Variants in CCR3 observed in about 807,000 individuals in gnomAD.
CCR3 encodes C-C chemokine receptor type 3.
For missense variants in CCR3, 419 were observed against 437.5 expected, an observed-to-expected ratio of 0.96 and a Z score of 0.38; for synonymous variants, 203 against 179.2, an observed-to-expected ratio of 1.13 and a Z score of -1.06.
chr3:46,223,659 G>C (rs1165975028), intron 2 of CCR3, among the ~76,000 whole-genome samples: 2 of 152,158 alleles, frequency 1.3e-5, no homozygotes, highest in Non-Finnish European at 2.9e-5. Flanking sequence ...GATAAGTACA[G>C]TTTGACCTCT....
At chr3:46,213,132 G>A (rs1391946657) in intron 2 of CCR3, among the ~76,000 whole-genome samples, 6 of 152,016 alleles carry the variant, frequency 3.9e-5, no homozygotes, top group South Asian at 2.1e-4. Context: ...GTTTCTATTC[G>A]TCTTTACAGC....
At chr3:46,211,850 T>C (rs1459669931) in intron 2 of CCR3, among the ~76,000 whole-genome samples, 1 of 152,172 alleles carries the variant, frequency 6.6e-6, no homozygotes, top group Non-Finnish European at 1.5e-5. Flanking sequence ...CACCTGGGAA[T>C]AAGCATGTAG....
chr3:46,264,364 C>CA (rs1700579265), intron 1 of CCR3: 2 of 1,385,210 alleles, frequency 1.4e-6, no homozygotes, highest in South Asian at 1.2e-5. Flanking sequence ...GTGTAACAGA[C>CA]AAAATGTGTA....
intron 1 of CCR3, among the ~76,000 whole-genome samples, chr3:46,243,661 A>C (rs904489559): frequency 6.6e-6 from 1 of 152,170 alleles, no homozygotes; most frequent in Non-Finnish European, 1.5e-5. Context: ...GTATAAGTTG[A>C]AGTATATTTT....
chr3:46,234,961 A>G (rs1488758523), intron 2 of CCR3, among the ~76,000 whole-genome samples: 1 of 152,184 alleles, frequency 6.6e-6, no homozygotes, highest in Non-Finnish European at 1.5e-5. Context: ...CCATTCCCAC[A>G]TCCCACTCCC....
chr3:46,261,775 G>A (rs1287478296), intron 1 of CCR3, among the ~76,000 whole-genome samples: 1 of 152,244 alleles, frequency 6.6e-6, no homozygotes, highest in Admixed American at 6.5e-5. Flanking sequence ...CATGGGCAGG[G>A]AGTCAAGGAG....
At position 46,221,223 on chromosome 3, in the gene CCR3, G is replaced by C. The variant is rs147387429; in HGVS notation, c.-68+10316G>C. Among the ~76,000 whole-genome samples, 328 of 146,004 alleles carry C rather than the reference G, an allele frequency of 2.2e-3. 2 individuals are homozygous for C. Among genetic ancestry groups the C allele is most frequent in the African/African-American group, 8.3e-3 (308 of 36,946 alleles). On this transcript the variant is annotated intron_variant, in intron 2 of 3. Transcript: ENST00000357422. ...CCTGTTTTGATTCTTCCTCCAGAAA[G>C]CTGGTTGTTAACATTTACCAGCACA...
At chr3:46,222,872 A>G (rs914925231) in intron 2 of CCR3, among the ~76,000 whole-genome samples, 3 of 152,228 alleles carry the variant, frequency 2.0e-5, no homozygotes, top group Non-Finnish European at 2.9e-5. Flanking sequence ...GTGGCTATTT[A>G]TTTCCTCATC....
intron 1 of CCR3, among the ~76,000 whole-genome samples, chr3:46,254,812 T>C (rs1700386687): frequency 6.6e-6 from 1 of 152,208 alleles, no homozygotes; most frequent in Non-Finnish European, 1.5e-5. Flanking sequence ...CAAATGCCAT[T>C]ATTTCATTCA....
intron 2 of CCR3, among the ~76,000 whole-genome samples, chr3:46,211,148 A>G (rs1015966181): frequency 6.6e-6 from 1 of 151,316 alleles, no homozygotes; most frequent in Non-Finnish European, 1.5e-5. Context: ...TTCTGGACTT[A>G]TCTCCAGAGA....
chr3:46,212,676 A>G (rs1015005861), intron 2 of CCR3, among the ~76,000 whole-genome samples: 2 of 151,952 alleles, frequency 1.3e-5, no homozygotes, highest in Non-Finnish European at 2.9e-5. Context: ...TTGACAAACC[A>G]AGGAGAAAGG....
intron 1 of CCR3, chr3:46,264,564 T>C (rs985395546): frequency 1.5e-6 from 1 of 676,588 alleles, no homozygotes; most frequent in African/African-American, 1.9e-5. Flanking sequence ...AAATTTTATA[T>C]TTACTTGTTA....
chr3:46,242,980 C>CATATATAT lies in CCR3; in HGVS notation c.-12+443_-12+444insTATATATA, dbSNP rs758465669. The stretch of plus-strand genomic sequence containing the variant: ...ATATATGTGTATATATATATATATA[C>CATATATAT]ACATATATATATATATATATATACG... On this transcript the variant is annotated intron_variant, in intron 1 of 1. Coordinates refer to ENST00000395940, the MANE Select transcript of CCR3 (RefSeq NM_178329.3). Among the ~76,000 whole-genome samples, 31 of 98,914 alleles carry CATATATAT rather than the reference C, an allele frequency of 3.1e-4. 1 individual carries two copies. The highest frequency in any genetic ancestry group is 5.8e-4 in the East Asian group (2 of 3,422). 64.9% of individuals were successfully genotyped at this position (98,914 alleles called of 152,430 possible).
chr3:46,241,135 TTCTC>T (rs201378621), upstream of CCR3, among the ~76,000 whole-genome samples: 13 of 147,760 alleles, frequency 8.8e-5, no homozygotes, highest in Non-Finnish European at 1.5e-4. Flanking sequence ...TCCCTATTCT[TTCTC>T]TCTCTCTCTA....
chr3:46,235,815 C>T (rs538598827), intron 2 of CCR3, among the ~76,000 whole-genome samples: 9 of 152,338 alleles, frequency 5.9e-5, no homozygotes, highest in African/African-American at 1.9e-4. Context: ...TTAACAGATG[C>T]TGTCTTGCTG....
chr3:46,215,563 C>T (rs73833005), intron 2 of CCR3, among the ~76,000 whole-genome samples: 14,602 of 152,200 alleles, frequency 0.096, 2,187 homozygotes, highest in African/African-American at 0.32. Flanking sequence ...TGGGAGTCTG[C>T]ATTTTTATCA....
At chr3:46,237,912 T>C (rs1231500790), upstream of CCR3, among the ~76,000 whole-genome samples, 1 of 152,232 alleles carries the variant, frequency 6.6e-6, no homozygotes, top group Non-Finnish European at 1.5e-5. Context: ...CTGATTTTGA[T>C]CTTCTTACCA....
intron 1 of CCR3, among the ~76,000 whole-genome samples, chr3:46,244,943 C>G (rs1700163061): frequency 6.6e-6 from 1 of 152,158 alleles, no homozygotes. Context: ...ATCCCACAAC[C>G]ATGTTATTTG....
At chr3:46,246,815 G>C (rs1309671298) in intron 1 of CCR3, among the ~76,000 whole-genome samples, 3 of 152,080 alleles carry the variant, frequency 2.0e-5, no homozygotes, top group African/African-American at 7.3e-5. Context: ...GGTATGGAGA[G>C]AGAATGGGCG....
Sources: allele counts gnomAD v4.1 joint callset (sites outside exome capture counted in the v4.1 genomes callset), GRCh38; gene constraint gnomAD v4.1.1; transcripts MANE v1.5; gene names NCBI Gene and HGNC (gene_info 2026-07-23, HGNC 2026-07-21).